CHRNB3: variants seen among roughly 807,000 people sequenced by gnomAD.
CHRNB3 encodes the protein neuronal acetylcholine receptor subunit beta-3.
Under a neutral mutation model 40.6 loss-of-function variants are expected in CHRNB3, and 37 were observed. That is an observed-to-expected ratio of 0.91 (90% CI 0.70 to 1.20). The LOEUF (loss-of-function observed/expected upper bound fraction) is 1.20, where lower values mean the gene tolerates loss of function less well. Ranked by LOEUF, CHRNB3 falls within the 50% of genes most tolerant of loss-of-function variation. CHRNB3 has a pLI of 0.00. For synonymous variants in CHRNB3, 207 were observed against 207.1 expected, an observed-to-expected ratio of 1.00 and a Z score of 0.00; for missense variants, 505 against 551.2, an observed-to-expected ratio of 0.92 and a Z score of 0.84.
intron 3 of CHRNB3, among the ~76,000 whole-genome samples, chr8:42,711,930 G>A (rs907891465): frequency 1.3e-5 from 2 of 151,596 alleles, no homozygotes; most frequent in Non-Finnish European, 2.9e-5. Context: ...CAGTTGTTTA[G>A]CTCCCACTTC....
chr8:42,717,408 C>A (rs4736840), intron 3 of CHRNB3, among the ~76,000 whole-genome samples: 73,660 of 73,764 alleles, frequency 1, 36,778 homozygotes, highest in Middle Eastern at 1. Flanking sequence ...AAAAAAAAGC[C>A]GACCTGTTGT....
intron 1 of CHRNB3, among the ~76,000 whole-genome samples, chr8:42,702,048 C>T (rs1296537612): frequency 2.0e-5 from 3 of 152,098 alleles, no homozygotes; most frequent in Admixed American, 2.0e-4. Context: ...TTGGATTCTC[C>T]TCCTAATGAG....
At chr8:42,727,816 C>T (rs57499403) in intron 3 of CHRNB3, among the ~76,000 whole-genome samples, 8,709 of 151,996 alleles carry the variant, frequency 0.057, 328 homozygotes, top group Middle Eastern at 0.11. Flanking sequence ...TGAGCCGAGA[C>T]TGTGCGACTG....
At chr8:42,710,650 C>A (rs1262431667) in intron 3 of CHRNB3, among the ~76,000 whole-genome samples, 3 of 152,198 alleles carry the variant, frequency 2.0e-5, no homozygotes, top group Non-Finnish European at 4.4e-5. Context: ...TTGCTCTCAG[C>A]AGTAGAGCTG....
rs898615685 is a variant in CHRNB3 at position 42,731,004 on chromosome 8, C to A, written c.359+301C>A. Among the ~76,000 whole-genome samples the A allele has an allele frequency of 4.3e-4, 59 of 137,654 alleles. 2 individuals carry two copies. Among genetic ancestry groups the A allele is most frequent in the Non-Finnish European group, 8.0e-4 (51 of 63,970 alleles). The allele number at this position is 137,654 out of a possible 152,430, so 90.3% of individuals were successfully genotyped here. A position where few individuals can be genotyped will look rare whatever the true frequency, so the allele number is the denominator to read the frequency against. The stretch of plus-strand genomic sequence containing the variant: ...CGGAGCTTGCAGTGAGCCGAGATTG[C>A]GCCACTGCAGTCCGCAGTCCGGCCT... On this transcript the variant is annotated intron_variant, in intron 4 of 5. Coordinates refer to ENST00000289957, the MANE Select transcript of CHRNB3 (RefSeq NM_000749.5).
intron 1 of CHRNB3, among the ~76,000 whole-genome samples, chr8:42,704,085 C>T (rs753784452): frequency 6.6e-6 from 1 of 152,186 alleles, no homozygotes; most frequent in Admixed American, 6.5e-5. Flanking sequence ...TAAAAACAGA[C>T]ATTTATTTTC....
At chr8:42,718,028 G>C (rs80129471) in intron 3 of CHRNB3, among the ~76,000 whole-genome samples, 5 of 151,406 alleles carry the variant, frequency 3.3e-5, no homozygotes, top group Non-Finnish European at 5.9e-5. Context: ...AGACAGTTTC[G>C]CCATGTTGGC....
At chr8:42,701,420 T>C (rs1407729519) in intron 1 of CHRNB3, among the ~76,000 whole-genome samples, 2 of 151,758 alleles carry the variant, frequency 1.3e-5, no homozygotes, top group African/African-American at 2.4e-5. Flanking sequence ...GGCATGCTCC[T>C]GTAGTCGCAG....
At chr8:42,719,186 C>T (rs1816176666) in intron 3 of CHRNB3, among the ~76,000 whole-genome samples, 1 of 152,138 alleles carries the variant, frequency 6.6e-6, no homozygotes, top group Non-Finnish European at 1.5e-5. Flanking sequence ...ACCAGAAAAC[C>T]TCGCAGCCCC....
chr8:42,734,986 C>G (rs142260286), intron 5 of CHRNB3, among the ~76,000 whole-genome samples: 2,994 of 151,842 alleles, frequency 0.02, 47 homozygotes, highest in Non-Finnish European at 0.031. Flanking sequence ...TTTGGGAGGC[C>G]GAGGCGGGCG....
intron 3 of CHRNB3, among the ~76,000 whole-genome samples, chr8:42,712,882 G>C (rs1230634686): frequency 1.0e-5 from 1 of 97,978 alleles, no homozygotes; most frequent in African/African-American, 3.3e-5. Context: ...TTTTTTTTGA[G>C]TCTGTGTCTC....
At chr8:42,725,166 C>T (rs1816287030) in intron 3 of CHRNB3, among the ~76,000 whole-genome samples, 1 of 149,390 alleles carries the variant, frequency 6.7e-6, no homozygotes, top group Non-Finnish European at 1.5e-5. Flanking sequence ...CTTGGCTCAC[C>T]GCAACCTCCA....
intron 5 of CHRNB3, among the ~76,000 whole-genome samples, chr8:42,735,524 C>A (rs1468413828): frequency 6.6e-6 from 1 of 152,164 alleles, no homozygotes; most frequent in African/African-American, 2.4e-5. Context: ...CAGAGTGAGA[C>A]TATGTCTCAA....
chr8:42,722,946 T>C (rs1816245121), intron 3 of CHRNB3, among the ~76,000 whole-genome samples: 1 of 152,092 alleles, frequency 6.6e-6, no homozygotes, highest in African/African-American at 2.4e-5. Flanking sequence ...TTTACTCATT[T>C]ATTTTACTGT....
intron 1 of CHRNB3, chr8:42,705,926 C>CA (rs1483233030): frequency 6.6e-6 from 1 of 152,228 alleles, no homozygotes; most frequent in African/African-American, 2.4e-5. Flanking sequence ...GGGTGACAGT[C>CA]ACTGTTCTAG....
At chr8:42,725,450 C>A (rs1816292888) in intron 3 of CHRNB3, 4 of 612,920 alleles carry the variant, frequency 6.5e-6, no homozygotes, top group East Asian at 5.7e-5. Context: ...AGGAAATAAT[C>A]TTCTCTGAAG....
chr8:42,717,504 G>T lies in CHRNB3; in HGVS notation c.249+7070G>T, dbSNP rs191270364. Among the ~76,000 whole-genome samples the T allele has an allele frequency of 2.7e-5, 4 of 149,020 alleles. No individual in the cohort carries two copies. The East Asian group carries it at 8.1e-4, about 30-fold the overall frequency. On this transcript the variant is annotated intron_variant, in intron 3 of 5. Coordinates refer to ENST00000289957, the MANE Select transcript of CHRNB3 (RefSeq NM_000749.5). ...CCTGGAATGGCACTTACAAGTTCAT[G>T]AATTCATCTCAGATCTTTACTCATG...
rs566032419 is a variant in CHRNB3, at chr8:42,701,766, T to G, written c.52+4168T>G. 2.0e-5 allele frequency among the ~76,000 whole-genome samples: 3 copies of G among 152,226 alleles called. No individual in the cohort carries two copies. The East Asian group carries it at 5.8e-4, about 29-fold the overall frequency. ...CTGTTGAGATAAACAGCAGCTTGAG[T>G]GAAGGGCTGCTCCCCAGTCATATGC... On this transcript the variant is annotated intron_variant, in intron 1 of 5. Coordinates refer to ENST00000289957, the MANE Select transcript of CHRNB3 (RefSeq NM_000749.5).
intron 5 of CHRNB3, among the ~76,000 whole-genome samples, chr8:42,734,275 A>G (rs1170215835): frequency 1.3e-5 from 2 of 150,856 alleles, no homozygotes; most frequent in Non-Finnish European, 2.9e-5. Flanking sequence ...AAAAAAAAAA[A>G]AAAAAAAAGT....
Sources: allele counts gnomAD v4.1 joint callset (sites outside exome capture counted in the v4.1 genomes callset), GRCh38; gene constraint gnomAD v4.1.1; transcripts MANE v1.5; gene names NCBI Gene and HGNC (gene_info 2026-07-23, HGNC 2026-07-21).